Variants in NINJ2 observed in about 807,000 individuals in gnomAD.
NINJ2 encodes ninjurin 2, also known as ninjurin-2.
NINJ2 carries 12 observed loss-of-function variants against 11.7 expected under a neutral mutation model. The observed-to-expected ratio is 1.02, with a 90% CI of 0.66 to 1.66. The LOEUF (loss-of-function observed/expected upper bound fraction) is 1.66. Among genes scored for constraint, NINJ2 ranks in the 40% most tolerant of loss-of-function variants. The pLI is 0.00. For synonymous variants in NINJ2, 93 were observed against 76.8 expected (o/e 1.21, Z -1.10); for missense variants, 187 against 181.8 (o/e 1.03, Z -0.16).
intron 1 of NINJ2, among the ~76,000 whole-genome samples, chr12:653,113 C>T (rs1937820123): frequency 6.7e-6 from 1 of 149,562 alleles, no homozygotes; most frequent in Admixed American, 6.7e-5. Flanking sequence ...CTCCACATCC[C>T]AGGTTCACAC....
intron 1 of NINJ2, among the ~76,000 whole-genome samples, chr12:648,932 C>T (rs1937737813): frequency 6.6e-6 from 1 of 151,952 alleles, no homozygotes; most frequent in South Asian, 2.1e-4. Context: ...TCCTATTCAT[C>T]CTTTGCAGCT....
At chr12:635,200 C>T (rs992350870) in intron 1 of NINJ2, among the ~76,000 whole-genome samples, 4 of 152,086 alleles carry the variant, frequency 2.6e-5, no homozygotes, top group Admixed American at 6.6e-5. Context: ...ATTACTGGCA[C>T]GTGCCACCAC....
chr12:600,597 T>C (rs1004711075), intron 1 of NINJ2, among the ~76,000 whole-genome samples: 9 of 149,412 alleles, frequency 6.0e-5, no homozygotes, highest in African/African-American at 2.2e-4. Flanking sequence ...AAGGGTGGAG[T>C]GGAGAAACAG....
intron 1 of NINJ2, among the ~76,000 whole-genome samples, chr12:639,333 C>T (rs1271590989): frequency 6.6e-6 from 1 of 152,154 alleles, no homozygotes; most frequent in Admixed American, 6.5e-5. Flanking sequence ...TTAACCCTCA[C>T]AATAGTCTTA....
At chr12:571,296 C>T (rs572242354) in intron 1 of NINJ2, among the ~76,000 whole-genome samples, 1 of 152,370 alleles carries the variant, frequency 6.6e-6, no homozygotes, top group African/African-American at 2.4e-5. Context: ...GATCTGGACG[C>T]CCTTGGGCAT....
At chr12:589,152 G>C (rs1032749698) in intron 1 of NINJ2, among the ~76,000 whole-genome samples, 1 of 152,108 alleles carries the variant, frequency 6.6e-6, no homozygotes, top group African/African-American at 2.4e-5. Context: ...TGTAATCAAG[G>C]GTGTGTGGGC....
chr12:660,314 A>G (rs1219707555), intron 1 of NINJ2, among the ~76,000 whole-genome samples: 1 of 148,106 alleles, frequency 6.8e-6, no homozygotes, highest in Non-Finnish European at 1.5e-5. Context: ...AAAAAAAAGG[A>G]ATCACAGGTC....
At position 581,086 on chromosome 12, in the gene NINJ2, TGTGC is replaced by T. The variant is rs1426564529; in HGVS notation, c.34-14912_34-14909del. Among the ~76,000 whole-genome samples, 1 of 151,186 alleles carries T rather than the reference TGTGC, an allele frequency of 6.6e-6. No individual in the cohort carries two copies. The highest frequency in any genetic ancestry group is 2.4e-5 in the African/African-American group (1 of 41,036). ...GCGTGTCTCTGTGCCTCTGTGTGTG[TGTGC>T]ATGTGTCTCTGTGTGTCTGTGTCTG... On this transcript the variant is annotated intron_variant, in intron 1 of 3. Transcript: ENST00000305108. The surrounding 1 kb of genome is among the most constrained non-coding windows in gnomAD (Gnocchi z 4.9).
At chr12:589,162 C>T (rs1020869190) in intron 1 of NINJ2, among the ~76,000 whole-genome samples, 2 of 152,072 alleles carry the variant, frequency 1.3e-5, no homozygotes, top group African/African-American at 4.8e-5. Context: ...GGTGTGTGGG[C>T]TAAATAAGCT....
intron 1 of NINJ2, among the ~76,000 whole-genome samples, chr12:649,352 G>A (rs1031667225): frequency 6.6e-6 from 1 of 151,916 alleles, no homozygotes; most frequent in Non-Finnish European, 1.5e-5. Flanking sequence ...CAGCTGGGAT[G>A]TCACATTTCT....
intron 1 of NINJ2, among the ~76,000 whole-genome samples, chr12:639,350 A>T (rs1948392954): frequency 6.6e-6 from 1 of 152,210 alleles, no homozygotes; most frequent in African/African-American, 2.4e-5. Context: ...CTTATAAGAC[A>T]CTGAGGCACA....
chr12:605,575 A>G (rs531383247), intron 1 of NINJ2, among the ~76,000 whole-genome samples: 46 of 152,324 alleles, frequency 3.0e-4, no homozygotes, highest in Non-Finnish European at 4.0e-4. Flanking sequence ...AAAAGAGATG[A>G]CATAATCTAG....
chr12:622,030 G>A (rs1280249830), intron 1 of NINJ2, among the ~76,000 whole-genome samples: 1 of 151,172 alleles, frequency 6.6e-6, no homozygotes, highest in African/African-American at 2.4e-5. Flanking sequence ...GGCTGAGGTA[G>A]AGAACTGCTT....
intron 1 of NINJ2, among the ~76,000 whole-genome samples, chr12:613,960 C>T (rs1948063464): frequency 6.6e-6 from 1 of 151,980 alleles, no homozygotes; most frequent in Non-Finnish European, 1.5e-5. Context: ...TAAAAATGGC[C>T]TTTCTTCTCT....
intron 1 of NINJ2, among the ~76,000 whole-genome samples, chr12:568,311 G>T (rs1019454300): frequency 1.3e-5 from 2 of 152,146 alleles, no homozygotes; most frequent in Admixed American, 1.3e-4. Context: ...GCTACAGATT[G>T]GACCAATCCT....
intron 1 of NINJ2, chr12:644,701 C>T (rs1937648978): frequency 6.6e-6 from 1 of 152,308 alleles, no homozygotes; most frequent in Middle Eastern, 3.4e-3. Context: ...AATTTATTGA[C>T]ACCTACATAG....
At chr12:606,918 G>A (rs1947948628) in intron 1 of NINJ2, among the ~76,000 whole-genome samples, 1 of 152,142 alleles carries the variant, frequency 6.6e-6, no homozygotes, top group Non-Finnish European at 1.5e-5. Context: ...GCTTTGAACT[G>A]GGTGCATGGA....
At chr12:638,567 C>T (rs1483398982) in intron 1 of NINJ2, among the ~76,000 whole-genome samples, 3 of 152,232 alleles carry the variant, frequency 2.0e-5, no homozygotes, top group Non-Finnish European at 4.4e-5. Context: ...AGGCGCCCGC[C>T]ACCACGCCTG....
chr12:587,870 CCTCTCACCTGATCACTATCCGTT>C (rs1947661344), intron 1 of NINJ2, among the ~76,000 whole-genome samples: 1 of 152,204 alleles, frequency 6.6e-6, no homozygotes, highest in African/African-American at 2.4e-5. Flanking sequence ...CTTGGTGACA[CCTCTCACCTGATCACTATCCGTT>C]CTCTCACTGG....
Sources: gnomAD v4.1 joint callset for allele counts (sites outside exome capture counted in the v4.1 genomes callset) on GRCh38, gnomAD v4.1.1 for gene constraint, Gnocchi (gnomAD v3.1) non-coding constraint, MANE v1.5 for transcripts, NCBI Gene and HGNC (gene_info 2026-07-23, HGNC 2026-07-21) for gene names.